The following SMURF1 variants were observed in gnomAD, a reference collection of about 807,000 sequenced individuals.
SMURF1 encodes the protein SMAD specific E3 ubiquitin protein ligase 1.
SMURF1 carries 44 observed loss-of-function variants against 98.0 expected under a neutral mutation model. The ratio of observed to expected loss-of-function variants is 0.45; its 90% CI spans 0.35 to 0.58. SMURF1 has a LOEUF of 0.58. SMURF1 is among the 20% of genes least tolerant of loss of function. The probability of loss-of-function intolerance (pLI) is 0.00; values close to 1 mark genes in which losing one functional copy is unlikely to be tolerated. For missense variants in SMURF1, 687 were observed against 938.4 expected, an observed-to-expected ratio of 0.73 and a Z score of 3.50; for synonymous variants, 396 against 374.9, an observed-to-expected ratio of 1.06 and a Z score of -0.65.
Position 99,033,071 on chromosome 7 carries a change from C to A in SMURF1, c.2062G>T (p.Ala688Ser). Reference protein sequence around the residue: ...PRLFTIHLIDANTDNLPKAHT... With the variant: ...PRLFTIHLIDSNTDNLPKAHT... ...GCCTTCGGAAGGTTGTCTGTGTTCG[C>A]GTCTATCAGGTGGATGGTGAACAGC... The change falls in exon 17 of 18, where the codon GCG (alanine) becomes TCG (serine). Residue 688 changes from alanine (A) to serine (S), a missense_variant. Around this residue, in one of 2 missense-constraint regions of SMURF1, gnomAD observed 272 missense variants for 430.0 expected, o/e 0.63. Transcript: ENST00000361368. 1 of 1,592,904 alleles carries A rather than the reference C, an allele frequency of 6.3e-7. No individual in the cohort carries two copies. Among genetic ancestry groups the A allele is most frequent in the Non-Finnish European group, 8.6e-7 (1 of 1,169,006 alleles).
chr7:99,068,643 A>G (rs1796251872), intron 1 of SMURF1, among the ~76,000 whole-genome samples: 1 of 152,162 alleles, frequency 6.6e-6, no homozygotes, highest in Admixed American at 6.5e-5. Flanking sequence ...TTATGCAAAA[A>G]CATCAACAAC....
intron 12 of SMURF1, 78 bp from the exon 13 acceptor site, chr7:99,040,634 T>G (rs1195471334): frequency 1.4e-5 from 18 of 1,312,380 alleles, no homozygotes; most frequent in Non-Finnish European, 1.5e-5. Context: ...TCCCCAAGCT[T>G]CTTGGGAAAA....
chr7:99,125,585 C>A (rs372930626), intron 1 of SMURF1, among the ~76,000 whole-genome samples: 8 of 152,310 alleles, frequency 5.3e-5, no homozygotes, highest in African/African-American at 1.9e-4. Flanking sequence ...CACCAGGTTC[C>A]TTCCCAAGTA....
intron 16 of SMURF1, among the ~76,000 whole-genome samples, chr7:99,035,042 TC>T (rs1336988900): frequency 1.3e-5 from 2 of 152,186 alleles, no homozygotes; most frequent in Non-Finnish European, 2.9e-5. Flanking sequence ...CGCACAGAAT[TC>T]CACCCCACTT....
Position 99,027,446 on chromosome 7 carries a change from C to T in SMURF1, c.*3138G>A, listed in dbSNP as rs1309341167. On this transcript the variant is annotated 3_prime_UTR_variant, in exon 18 of 18. Transcript: ENST00000361368. Reference sequence around the variant, plus strand: ...ATAACAGACGCCAAAAATGTAAAGTCGTGAGTTTATTGCATATGTAACAAA... The same window carrying T: ...ATAACAGACGCCAAAAATGTAAAGTTGTGAGTTTATTGCATATGTAACAAA... 4 of 152,604 alleles carry T rather than the reference C, an allele frequency of 2.6e-5. No homozygotes were observed. Among genetic ancestry groups the T allele is most frequent in the South Asian group, 2.1e-4 (1 of 4,826 alleles). The allele number at this position is 152,604 out of a possible 1,614,324, so 9.5% of individuals were successfully genotyped here. A position where few individuals can be genotyped will look rare whatever the true frequency, so the allele number is the denominator to read the frequency against.
In SMURF1 at chr7:99,027,869, A is replaced by C. The variant is rs1179536765; in HGVS notation, c.*2715T>G. On this transcript the variant is annotated 3_prime_UTR_variant, in exon 18 of 18. Transcript: ENST00000361368. The stretch of plus-strand genomic sequence containing the variant: ...ACATCTCGGGTTGGGTGACCACCTT[A>C]ATCTGAATTTGGACCATACGTCCGA... 1 of 152,620 alleles carries C rather than the reference A, an allele frequency of 6.6e-6. No individual in the cohort carries two copies. The highest frequency in any genetic ancestry group is 2.4e-5 in the African/African-American group (1 of 41,436). 9.5% of individuals were successfully genotyped at this position (152,620 alleles called of 1,614,324 possible).
At chr7:99,134,384 C>A (rs1447169274) in intron 1 of SMURF1, among the ~76,000 whole-genome samples, 1 of 152,150 alleles carries the variant, frequency 6.6e-6, no homozygotes, top group Non-Finnish European at 1.5e-5. Context: ...CTATGAAACA[C>A]TGTACAGACG....
At chr7:99,130,977 T>C (rs1797860108) in intron 1 of SMURF1, among the ~76,000 whole-genome samples, 1 of 152,210 alleles carries the variant, frequency 6.6e-6, no homozygotes, top group African/African-American at 2.4e-5. Flanking sequence ...GACTGAGCTG[T>C]TGAAGAAGCA....
chr7:99,068,833 G>C (rs1337550295), intron 1 of SMURF1, among the ~76,000 whole-genome samples: 2 of 151,580 alleles, frequency 1.3e-5, no homozygotes, highest in Middle Eastern at 3.4e-3. Context: ...GTTTATTCTT[G>C]CTTCTTAACC....
At chr7:99,064,840 A>T (rs984590174) in intron 1 of SMURF1, among the ~76,000 whole-genome samples, 1 of 152,220 alleles carries the variant, frequency 6.6e-6, no homozygotes. Flanking sequence ...TACAAAATAC[A>T]TACTTGAAAA....
intron 1 of SMURF1, among the ~76,000 whole-genome samples, chr7:99,077,473 CA>C (rs1289537873): frequency 6.6e-6 from 1 of 151,970 alleles, no homozygotes; most frequent in Non-Finnish European, 1.5e-5. Flanking sequence ...GCTGGGACTA[CA>C]GGTGCCCACC....
intron 12 of SMURF1, among the ~76,000 whole-genome samples, 195 bp downstream of exon 12, chr7:99,041,923 T>G (rs1427807670): frequency 2.0e-5 from 3 of 152,208 alleles, no homozygotes; most frequent in African/African-American, 7.2e-5. Context: ...GCACACCCAG[T>G]GATCACGATC....
In SMURF1 at chr7:99,028,184, G is replaced by A. The variant is rs141008965; in HGVS notation, c.*2400C>T. 0.012 allele frequency: 1,857 copies of A among 152,696 alleles called. 22 individuals are homozygous for A. The highest frequency in any genetic ancestry group is 0.015 in the Non-Finnish European group (1,047 of 68,092). The allele number at this position is 152,696 out of a possible 1,614,324, so 9.5% of individuals were successfully genotyped here. Reference sequence around the variant, plus strand: ...GATCACACGTGAGTGGGCTTCGCGCGGACCCAAAGTAGAACAGTCGGGAAG... The same window carrying A: ...GATCACACGTGAGTGGGCTTCGCGCAGACCCAAAGTAGAACAGTCGGGAAG... On this transcript the variant is annotated 3_prime_UTR_variant, in exon 18 of 18. Coordinates refer to ENST00000361368, the MANE Select transcript of SMURF1 (RefSeq NM_181349.3).
chr7:99,065,417 G>A (rs1363226939), intron 1 of SMURF1, among the ~76,000 whole-genome samples: 1 of 152,128 alleles, frequency 6.6e-6, no homozygotes, highest in African/African-American at 2.4e-5. Flanking sequence ...TAAAAGTCTT[G>A]CACATTTCTC....
Position 99,143,935 on chromosome 7 carries a change from G to C in SMURF1, c.-155C>G. ...ACTCCGCGGCCCAGGCGTCCGGGCGGCAGGCGGATGGTCGAGCCGGGAGAT... is the reference window on the plus strand; with the variant it reads ...ACTCCGCGGCCCAGGCGTCCGGGCGCCAGGCGGATGGTCGAGCCGGGAGAT... On this transcript the variant is annotated 5_prime_UTR_variant, in exon 1 of 18. Transcript: ENST00000361368. 1 of 529,374 alleles carries C rather than the reference G, an allele frequency of 1.9e-6. No homozygotes were observed. Among genetic ancestry groups the C allele is most frequent in the Non-Finnish European group, 3.0e-6 (1 of 333,378 alleles). 32.8% of individuals were successfully genotyped at this position (529,374 alleles called of 1,614,324 possible).
At chr7:99,086,571 A>G (rs536166265) in intron 1 of SMURF1, among the ~76,000 whole-genome samples, 1 of 152,292 alleles carries the variant, frequency 6.6e-6, no homozygotes, top group Admixed American at 6.5e-5. Context: ...TAAAATACCA[A>G]AGAAAAGTGA....
chr7:99,080,352 T>G (rs1483453304), intron 1 of SMURF1, among the ~76,000 whole-genome samples: 1 of 152,210 alleles, frequency 6.6e-6, no homozygotes, highest in Non-Finnish European at 1.5e-5. Flanking sequence ...GAGGCTGGAG[T>G]GCAGCGGCGC....
chr7:99,105,394 T>G (rs550005471), intron 1 of SMURF1, among the ~76,000 whole-genome samples: 10 of 152,180 alleles, frequency 6.6e-5, no homozygotes, highest in Non-Finnish European at 1.2e-4. Context: ...CAATTACACA[T>G]TATACCCAAA....
intron 1 of SMURF1, among the ~76,000 whole-genome samples, chr7:99,063,257 AT>A (rs1796092307): frequency 3.6e-4 from 2 of 5,568 alleles, no homozygotes; most frequent in South Asian, 3.7e-3. Context: ...ATATATATAT[AT>A]ATATATATAT....
Sources: allele counts gnomAD v4.1 joint callset (sites outside exome capture counted in the v4.1 genomes callset), GRCh38; gene constraint gnomAD v4.1.1; regional missense constraint gnomAD v4.1.1; transcripts MANE v1.5; gene names NCBI Gene and HGNC (gene_info 2026-07-23, HGNC 2026-07-21).